ATRNL1: variants seen among roughly 807,000 people sequenced by gnomAD.
ATRNL1 encodes the protein attractin-like protein 1.
A neutral mutation model predicts 182.7 loss-of-function variants in ATRNL1; 95 were observed. That is an observed-to-expected ratio of 0.52 (90% CI 0.44 to 0.62). ATRNL1 has a LOEUF of 0.62. Among genes scored for constraint, ATRNL1 ranks in the 20% least tolerant of loss-of-function variants. ATRNL1 has a pLI of 0.00. For missense variants in ATRNL1, 1,471 were observed against 1,679.5 expected (o/e 0.88, Z 2.17); for synonymous variants, 576 against 568.3 (o/e 1.01, Z -0.19).
At chr10:115,552,069 G>A (rs1402046569) in intron 26 of ATRNL1, among the ~76,000 whole-genome samples, 2 of 151,112 alleles carry the variant, frequency 1.3e-5, no homozygotes, top group Non-Finnish European at 3.0e-5. Context: ...GTATATATAG[G>A]GCTTAGTAGT....
chr10:115,639,655 T>A (rs1158528784), intron 26 of ATRNL1, among the ~76,000 whole-genome samples: 2 of 152,146 alleles, frequency 1.3e-5, no homozygotes, highest in African/African-American at 4.8e-5. Context: ...TATGTAGCAG[T>A]ACACAGAGCA....
intron 7 of ATRNL1, among the ~76,000 whole-genome samples, chr10:115,169,409 A>G (rs763502934): frequency 2.0e-5 from 3 of 151,812 alleles, no homozygotes; most frequent in Non-Finnish European, 4.4e-5. Context: ...GGGTTTCACC[A>G]TGTTGGCCAG....
intron 15 of ATRNL1, among the ~76,000 whole-genome samples, chr10:115,290,814 T>A (rs1852865486): frequency 6.6e-6 from 1 of 152,238 alleles, no homozygotes; most frequent in Non-Finnish European, 1.5e-5. Flanking sequence ...GTGTCTGATT[T>A]ACATAGAGCC....
At chr10:115,523,955 C>T (rs1226973047) in intron 25 of ATRNL1, among the ~76,000 whole-genome samples, 1 of 152,152 alleles carries the variant, frequency 6.6e-6, no homozygotes. Context: ...TTACTTGGCT[C>T]ATGGTTCTGC....
chr10:115,746,085 G>T (rs1593160752), intron 27 of ATRNL1, among the ~76,000 whole-genome samples: 1 of 152,136 alleles, frequency 6.6e-6, no homozygotes, highest in East Asian at 1.9e-4. Flanking sequence ...AAAACTGAGT[G>T]TACATAGAAA....
At chr10:115,880,052 C>T (rs1039536473) in intron 28 of ATRNL1, among the ~76,000 whole-genome samples, 1 of 152,212 alleles carries the variant, frequency 6.6e-6, no homozygotes, top group African/African-American at 2.4e-5. Context: ...CAGCTTCAGA[C>T]AGGAGAAAGC....
At chr10:115,236,989 G>T (rs550029146) in intron 9 of ATRNL1, among the ~76,000 whole-genome samples, 4 of 152,192 alleles carry the variant, frequency 2.6e-5, no homozygotes, top group African/African-American at 4.8e-5. Flanking sequence ...CATAAAGCTG[G>T]AATCATGTAG....
chr10:115,860,547 A>G (rs1393161672), intron 28 of ATRNL1, among the ~76,000 whole-genome samples: 1 of 152,206 alleles, frequency 6.6e-6, no homozygotes, highest in Non-Finnish European at 1.5e-5. Context: ...AAATGTATAA[A>G]TGGGATAATT....
intron 20 of ATRNL1, among the ~76,000 whole-genome samples, chr10:115,419,441 C>G (rs74158314): frequency 6.6e-6 from 1 of 152,076 alleles, no homozygotes; most frequent in African/African-American, 2.4e-5. Context: ...CAATAACTAC[C>G]TTGAATGTAA....
In ATRNL1 at chr10:115,843,688, A is replaced by C. The variant is rs547175766; in HGVS notation, c.3904-4189A>C. Among the ~76,000 whole-genome samples the C allele has an allele frequency of 5.3e-5, 8 of 152,212 alleles. No individual in the cohort carries two copies. In the South Asian group the frequency reaches 1.7e-3, roughly 32 times the overall value. On this transcript the variant is annotated intron_variant, in intron 27 of 28. Coordinates refer to ENST00000355044, the MANE Select transcript of ATRNL1 (RefSeq NM_207303.4). ...GCAGAATAAAGGATGTGATTAGATG[A>C]GTATGTAGGGAATGTCATTTTGGAC...
intron 27 of ATRNL1, among the ~76,000 whole-genome samples, chr10:115,835,679 A>G (rs1950652658): frequency 6.6e-6 from 1 of 152,198 alleles, no homozygotes; most frequent in Admixed American, 6.5e-5. Context: ...TGTGAATATT[A>G]TAGTAGGACT....
At chr10:115,492,182 A>G (rs75360692) in intron 24 of ATRNL1, among the ~76,000 whole-genome samples, 3 of 152,124 alleles carry the variant, frequency 2.0e-5, no homozygotes, top group African/African-American at 7.2e-5. Context: ...AGCAGTTCCT[A>G]TATGGCCATC....
In ATRNL1 at chr10:115,300,074, C is replaced by G; in HGVS notation, c.2456C>G (p.Ser819Cys). The G allele has an allele frequency of 6.2e-7, 1 of 1,613,886 alleles. No individual in the cohort carries two copies. The highest frequency in any genetic ancestry group is 8.5e-7 in the Non-Finnish European group (1 of 1,179,826). ...PWVGLRKINISYWGWEDMSPF... is the reference protein window; with the variant it reads ...PWVGLRKINICYWGWEDMSPF... ...GTAGGCTTGCGCAAGATCAATATAT[C>G]CTATTGGGGATGGGAAGACATGTCT... The change falls in exon 16 of 29, where the codon TCC (serine) becomes TGC (cysteine). Residue 819 changes from serine (S) to cysteine (C), a missense_variant. Transcript: ENST00000355044.
intron 7 of ATRNL1, among the ~76,000 whole-genome samples, chr10:115,166,075 C>G (rs890922559): frequency 6.6e-5 from 10 of 152,082 alleles, no homozygotes; most frequent in Non-Finnish European, 1.3e-4. Flanking sequence ...CTTCCCTTAT[C>G]CTCTTGAAAC....
Position 115,160,048 on chromosome 10 carries a change from T to C in ATRNL1, c.838T>C (p.Cys280Arg). 3.1e-6 allele frequency: 5 copies of C among 1,605,522 alleles called. No homozygotes were observed. The highest frequency in any genetic ancestry group is 3.4e-6 in the Non-Finnish European group (4 of 1,176,034). Reference sequence around the variant, plus strand: ...CATTTTTTTTTTAATAGGTCCTGATTGTTCTTTGAATGTTCCCTCTACTGA... The same window carrying C: ...CATTTTTTTTTTAATAGGTCCTGATCGTTCTTTGAATGTTCCCTCTACTGA... ...VCNDSWQGPD[C>R]SLNVPSTESY... Residue 280 changes from cysteine to arginine, a missense_variant, in exon 6 of 29, where the codon TGT becomes CGT. Physicochemically the swap from Cys to Arg is radical, Grantham distance 180. Transcript: ENST00000355044.
intron 8 of ATRNL1, among the ~76,000 whole-genome samples, chr10:115,187,744 T>C (rs1422558571): frequency 2.1e-5 from 3 of 144,548 alleles, no homozygotes; most frequent in Admixed American, 1.5e-4. Context: ...CAGGCTGGAG[T>C]GATCTCGGCT....
chr10:115,429,054 G>C (rs1171157146), intron 21 of ATRNL1, among the ~76,000 whole-genome samples: 9 of 151,942 alleles, frequency 5.9e-5, no homozygotes, highest in Admixed American at 5.9e-4. Flanking sequence ...GTGTATAGTG[G>C]CATTTTGTGG....
At chr10:115,099,121 T>C (rs967009949) in intron 1 of ATRNL1, among the ~76,000 whole-genome samples, 1 of 152,254 alleles carries the variant, frequency 6.6e-6, no homozygotes, top group African/African-American at 2.4e-5. Flanking sequence ...AGGGCAACTA[T>C]TGATCTGCTT....
chr10:115,418,183 T>C (rs1845486848), intron 20 of ATRNL1, among the ~76,000 whole-genome samples: 1 of 152,052 alleles, frequency 6.6e-6, no homozygotes, highest in Admixed American at 6.6e-5. Flanking sequence ...CAAACTTCAG[T>C]AAAATTCAGA....
Sources: gnomAD v4.1 joint callset for allele counts (sites outside exome capture counted in the v4.1 genomes callset) on GRCh38, gnomAD v4.1.1 for gene constraint, MANE v1.5 for transcripts, NCBI Gene and HGNC (gene_info 2026-07-23, HGNC 2026-07-21) for gene names.